The following RARB variants were observed in gnomAD, a reference collection of about 807,000 sequenced individuals.
RARB encodes the protein HBV-activated protein.
A neutral mutation model predicts 51.9 loss-of-function variants in RARB; 17 were observed. That is an observed-to-expected ratio of 0.33 (90% CI 0.22 to 0.49). RARB has a LOEUF of 0.49. Among genes scored for constraint, RARB ranks in the 20% least tolerant of loss-of-function variants. The pLI is 0.99. For synonymous variants in RARB, 215 were observed against 195.4 expected (o/e 1.10, Z -0.84); for missense variants, 369 against 550.8 (o/e 0.67, Z 3.30).
intron 2 of RARB, among the ~76,000 whole-genome samples, chr3:24,924,721 T>G (rs1695281878): frequency 6.6e-6 from 1 of 152,162 alleles, no homozygotes; most frequent in Non-Finnish European, 1.5e-5. Context: ...TCCTGTATTT[T>G]GGGAGGAGTA....
At chr3:25,437,409 C>A (rs1383934087) in intron 1 of RARB, among the ~76,000 whole-genome samples, 1 of 152,138 alleles carries the variant, frequency 6.6e-6, no homozygotes, top group African/African-American at 2.4e-5. Flanking sequence ...TTGCAACGTG[C>A]CATTCAGCAA....
At chr3:24,855,744 ATT>A (rs34706427) in intron 1 of RARB, among the ~76,000 whole-genome samples, 71 of 110,152 alleles carry the variant, frequency 6.4e-4, no homozygotes, top group Middle Eastern at 5.4e-3. Flanking sequence ...GGAAATCTGC[ATT>A]TTTTTTTTTT....
intron 5 of RARB, among the ~76,000 whole-genome samples, chr3:25,422,563 T>C (rs1176665693): frequency 6.6e-6 from 1 of 152,046 alleles, no homozygotes; most frequent in African/African-American, 2.4e-5. Flanking sequence ...AGAACAGGGG[T>C]ATCTGCACAC....
chr3:24,954,801 T>C (rs899417009), intron 2 of RARB, among the ~76,000 whole-genome samples: 3 of 152,112 alleles, frequency 2.0e-5, no homozygotes, highest in African/African-American at 7.2e-5. Flanking sequence ...GACTCCCTCA[T>C]AAGACTTGCA....
At chr3:24,978,217 T>TG (rs199783581) in intron 2 of RARB, among the ~76,000 whole-genome samples, 4,096 of 152,206 alleles carry the variant, frequency 0.027, 164 homozygotes, top group African/African-American at 0.094. Flanking sequence ...ATTCTTTTTT[T>TG]TTGTTGTTGT....
intron 5 of RARB, among the ~76,000 whole-genome samples, chr3:25,211,686 T>A (rs1291270268): frequency 6.6e-6 from 1 of 152,168 alleles, no homozygotes; most frequent in African/African-American, 2.4e-5. Flanking sequence ...ACAGTGAAAT[T>A]TTTTGGCTTT....
intron 1 of RARB, among the ~76,000 whole-genome samples, chr3:25,437,191 G>C (rs1006727077): frequency 6.8e-6 from 1 of 147,880 alleles, no homozygotes; most frequent in African/African-American, 2.5e-5. Context: ...TCGGTCTATA[G>C]CTCATAACCT....
chr3:25,181,711 A>C (rs1442789288), intron 5 of RARB, among the ~76,000 whole-genome samples: 4 of 152,170 alleles, frequency 2.6e-5, no homozygotes, highest in Non-Finnish European at 5.9e-5. Context: ...AATGCAAAAC[A>C]TTGTTGTATG....
intron 3 of RARB, among the ~76,000 whole-genome samples, chr3:25,514,506 A>T (rs1698060836): frequency 6.6e-6 from 1 of 151,694 alleles, no homozygotes; most frequent in Admixed American, 6.6e-5. Flanking sequence ...TACCTCCATG[A>T]TTAAAAAAAA....
At chr3:25,098,107 G>A (rs1227551996) in intron 3 of RARB, among the ~76,000 whole-genome samples, 2 of 152,134 alleles carry the variant, frequency 1.3e-5, no homozygotes, top group Non-Finnish European at 2.9e-5. Flanking sequence ...TTCACCAAGA[G>A]CAAGGGGAGC....
intron 2 of RARB, among the ~76,000 whole-genome samples, chr3:25,461,675 C>T (rs559558039): frequency 1.3e-5 from 2 of 152,268 alleles, no homozygotes; most frequent in East Asian, 1.9e-4. Context: ...TGCGCAATCA[C>T]TTGAGGTTAG....
intron 2 of RARB, among the ~76,000 whole-genome samples, chr3:25,035,416 C>A (rs535211288): frequency 7.0e-6 from 1 of 142,710 alleles, no homozygotes; most frequent in South Asian, 2.3e-4. Flanking sequence ...GCCGCTGCGT[C>A]CAGCCTTTTT....
At chr3:25,362,863 C>T (rs1705993183) in intron 5 of RARB, among the ~76,000 whole-genome samples, 1 of 152,180 alleles carries the variant, frequency 6.6e-6, no homozygotes, top group Non-Finnish European at 1.5e-5. Flanking sequence ...GCAGAGATCA[C>T]CAGCCTTCTG....
chr3:25,273,760 C>G (rs774251272), intron 5 of RARB, among the ~76,000 whole-genome samples: 8 of 152,250 alleles, frequency 5.3e-5, no homozygotes, highest in Non-Finnish European at 1.0e-4. Flanking sequence ...CTAGCTGGCA[C>G]TTGACTCCAC....
chr3:25,081,621 A>ATT (rs1168828068), intron 3 of RARB, among the ~76,000 whole-genome samples: 99 of 5,806 alleles, frequency 0.017, 21 homozygotes, highest in East Asian at 0.041. Context: ...ATATATATAT[A>ATT]TTTTTTTTTT....
chr3:25,117,317 G>C (rs1699705084), intron 3 of RARB, among the ~76,000 whole-genome samples: 1 of 152,164 alleles, frequency 6.6e-6, no homozygotes, highest in African/African-American at 2.4e-5. Context: ...CCCAAGAGAG[G>C]AACATTTAAA....
At chr3:24,878,580 T>C (rs1372115161) in intron 2 of RARB, among the ~76,000 whole-genome samples, 1 of 152,172 alleles carries the variant, frequency 6.6e-6, no homozygotes, top group Non-Finnish European at 1.5e-5. Flanking sequence ...TAATTCTGTG[T>C]TATCAGGGGC....
intron 5 of RARB, among the ~76,000 whole-genome samples, chr3:25,358,556 GC>G (rs2125462032): frequency 6.6e-6 from 1 of 152,288 alleles, no homozygotes; most frequent in African/African-American, 2.4e-5. Flanking sequence ...CTTGTCTTGT[GC>G]TGGTTTGCAA....
chr3:24,897,497 C>G (rs115438030), intron 2 of RARB, among the ~76,000 whole-genome samples: 3,591 of 152,272 alleles, frequency 0.024, 81 homozygotes, highest in Middle Eastern at 0.075. Context: ...GACCAAGTTA[C>G]TTCTTCCTTT....
Sources: allele counts gnomAD v4.1 joint callset (sites outside exome capture counted in the v4.1 genomes callset), GRCh38; gene constraint gnomAD v4.1.1; transcripts MANE v1.5; gene names NCBI Gene and HGNC (gene_info 2026-07-23, HGNC 2026-07-21).